PTPRD: variants seen among roughly 807,000 people sequenced by gnomAD.
PTPRD encodes the protein receptor-type tyrosine-protein phosphatase delta.
A neutral mutation model predicts 214.5 loss-of-function variants in PTPRD; 34 were observed. The observed-to-expected ratio is 0.16, with a 90% CI of 0.12 to 0.21. The LOEUF is 0.21. Ranked by LOEUF, PTPRD falls within the 10% of genes least tolerant of loss-of-function variation. PTPRD has a pLI of 1.00. For synonymous variants in PTPRD, 1,128 were observed against 845.7 expected (o/e 1.33, Z -5.79); for missense variants, 2,545 against 2,398.7 (o/e 1.06, Z -1.27).
chr9:9,499,384 T>C (rs1168132490), intron 8 of PTPRD, among the ~76,000 whole-genome samples: 1 of 152,112 alleles, frequency 6.6e-6, no homozygotes, highest in African/African-American at 2.4e-5. Flanking sequence ...CACTCTGTAT[T>C]TTCTTATATT....
chr9:8,627,808 G>C (rs1238961972), intron 14 of PTPRD, among the ~76,000 whole-genome samples: 1 of 151,802 alleles, frequency 6.6e-6, no homozygotes, highest in Non-Finnish European at 1.5e-5. Context: ...CTGTCTTTGT[G>C]ACCACTGATA....
intron 7 of PTPRD, among the ~76,000 whole-genome samples, chr9:9,720,507 G>A (rs1321421326): frequency 6.6e-6 from 1 of 152,188 alleles, no homozygotes; most frequent in Non-Finnish European, 1.5e-5. Context: ...AGAAAATACT[G>A]GCAGGGTAGT....
chr9:10,168,396 A>G (rs1217473747), intron 3 of PTPRD, among the ~76,000 whole-genome samples: 1 of 152,086 alleles, frequency 6.6e-6, no homozygotes, highest in African/African-American at 2.4e-5. Flanking sequence ...AATGATCTAC[A>G]CTATTATCTG....
At chr9:8,523,899 TC>T (rs995228710) in intron 18 of PTPRD, among the ~76,000 whole-genome samples, 1 of 152,064 alleles carries the variant, frequency 6.6e-6, no homozygotes, top group African/African-American at 2.4e-5. Context: ...GAGAAAAACA[TC>T]CCCAGGGAAA....
At chr9:8,913,362 A>G (rs1429831725) in intron 11 of PTPRD, among the ~76,000 whole-genome samples, 1 of 152,114 alleles carries the variant, frequency 6.6e-6, no homozygotes, top group Non-Finnish European at 1.5e-5. Context: ...ATTACTGAAG[A>G]CATCTCTCTG....
At chr9:9,869,981 T>C (rs1337731518) in intron 5 of PTPRD, among the ~76,000 whole-genome samples, 1 of 152,058 alleles carries the variant, frequency 6.6e-6, no homozygotes, top group Non-Finnish European at 1.5e-5. Flanking sequence ...TGTATATATG[T>C]ATACAAACAT....
At chr9:9,162,956 T>C (rs1285617174) in intron 10 of PTPRD, among the ~76,000 whole-genome samples, 1 of 152,160 alleles carries the variant, frequency 6.6e-6, no homozygotes, top group Non-Finnish European at 1.5e-5. Flanking sequence ...GCAACTTTTC[T>C]TTAGGACTCT....
At chr9:10,146,076 C>T (rs906434308) in intron 3 of PTPRD, among the ~76,000 whole-genome samples, 1 of 151,322 alleles carries the variant, frequency 6.6e-6, no homozygotes, top group Non-Finnish European at 1.5e-5. Context: ...AAAACTGTAT[C>T]ATTTCATTTT....
intron 7 of PTPRD, among the ~76,000 whole-genome samples, chr9:9,677,048 T>C (rs540065163): frequency 6.6e-6 from 1 of 152,138 alleles, no homozygotes; most frequent in Non-Finnish European, 1.5e-5. Flanking sequence ...GAAGAGTAGG[T>C]TGCAAAAATT....
intron 3 of PTPRD, among the ~76,000 whole-genome samples, chr9:10,134,981 G>C (rs1163546330): frequency 6.6e-6 from 1 of 152,058 alleles, no homozygotes; most frequent in African/African-American, 2.4e-5. Flanking sequence ...ACGAATCCAG[G>C]AAAACGGTCC....
intron 35 of PTPRD, among the ~76,000 whole-genome samples, chr9:8,436,044 AC>A (rs1438596469): frequency 1.3e-5 from 2 of 152,222 alleles, no homozygotes; most frequent in Non-Finnish European, 2.9e-5. Context: ...TGTATTTGGC[AC>A]CTATTTGGTA....
intron 36 of PTPRD, among the ~76,000 whole-genome samples, chr9:8,392,267 G>C (rs547166650): frequency 5.3e-5 from 8 of 152,012 alleles, no homozygotes; most frequent in Non-Finnish European, 1.2e-4. Context: ...GCTCATGCCT[G>C]TAATTCCGAC....
At chr9:10,448,211 G>C (rs2098812875) in intron 2 of PTPRD, among the ~76,000 whole-genome samples, 1 of 151,976 alleles carries the variant, frequency 6.6e-6, no homozygotes, top group South Asian at 2.1e-4. Flanking sequence ...CCTAACTTAA[G>C]GTTTTGATTC....
intron 35 of PTPRD, among the ~76,000 whole-genome samples, chr9:8,427,874 G>T (rs766454564): frequency 1.3e-5 from 2 of 151,730 alleles, no homozygotes; most frequent in Non-Finnish European, 2.9e-5. Flanking sequence ...TTCCTTAGTG[G>T]TACATGCAAT....
chr9:10,025,290 C>T (rs1281529652), intron 4 of PTPRD, among the ~76,000 whole-genome samples: 1 of 152,204 alleles, frequency 6.6e-6, no homozygotes, highest in Non-Finnish European at 1.5e-5. Context: ...TCTCCAGCAT[C>T]TGTTGTTTCC....
Position 8,921,680 on chromosome 9 carries a change from G to C in PTPRD, c.-104+97017C>G, listed in dbSNP as rs371753981. ...AGCTAATTTTTGTATTTTTAGTAGAGACAGGGTTTCACCATGTTGGCCAGG... is the reference window on the plus strand; with the variant it reads ...AGCTAATTTTTGTATTTTTAGTAGACACAGGGTTTCACCATGTTGGCCAGG... On this transcript the variant is annotated intron_variant, in intron 11 of 45. Coordinates refer to ENST00000381196, the MANE Select transcript of PTPRD (RefSeq NM_002839.4). 4.0e-5 allele frequency among the ~76,000 whole-genome samples: 6 copies of C among 151,858 alleles called. No individual in the cohort carries two copies. The East Asian group carries it at 7.8e-4, about 20-fold the overall frequency.
At chr9:10,051,616 A>G (rs1449390412) in intron 3 of PTPRD, among the ~76,000 whole-genome samples, 2 of 151,038 alleles carry the variant, frequency 1.3e-5, no homozygotes, top group Admixed American at 6.6e-5. Context: ...CCACCCCACA[A>G]CAGTCCCCGG....
intron 8 of PTPRD, among the ~76,000 whole-genome samples, chr9:9,416,377 G>C (rs913535841): frequency 6.6e-6 from 1 of 152,160 alleles, no homozygotes; most frequent in African/African-American, 2.4e-5. Context: ...CCACTTAATA[G>C]CTGTGCTCTT....
intron 37 of PTPRD, among the ~76,000 whole-genome samples, chr9:8,384,875 T>G (rs1459475934): frequency 6.6e-6 from 1 of 152,184 alleles, no homozygotes; most frequent in Non-Finnish European, 1.5e-5. Flanking sequence ...ATATGAAATA[T>G]TCAACTTATA....
Sources: gnomAD v4.1 joint callset for allele counts (sites outside exome capture counted in the v4.1 genomes callset) on GRCh38, gnomAD v4.1.1 for gene constraint, MANE v1.5 for transcripts, NCBI Gene and HGNC (gene_info 2026-07-23, HGNC 2026-07-21) for gene names.